MBOAT1: variants seen among roughly 807,000 people sequenced by gnomAD.
MBOAT1 encodes the protein membrane-bound glycerophospholipid O-acyltransferase 1.
In MBOAT1, 67 loss-of-function variants were observed where a neutral mutation model predicts 64.4. The ratio of observed to expected loss-of-function variants is 1.04; its 90% CI spans 0.85 to 1.27. The LOEUF is 1.27. Ranked by LOEUF, MBOAT1 falls within the 50% of genes most tolerant of loss-of-function variation. The probability of loss-of-function intolerance (pLI) is 0.00; values close to 1 mark genes in which losing one functional copy is unlikely to be tolerated. For missense variants in MBOAT1, 563 were observed against 604.6 expected (o/e 0.93, Z 0.72); for synonymous variants, 229 against 218.9 (o/e 1.05, Z -0.41).
intron 1 of MBOAT1, among the ~76,000 whole-genome samples, chr6:20,203,771 T>C (rs1397557223): frequency 1.4e-5 from 2 of 144,448 alleles, no homozygotes; most frequent in Non-Finnish European, 3.0e-5. Context: ...AGGAGCTATA[T>C]AAACAAACAA....
chr6:20,171,187 AT>A (rs1181928517), intron 1 of MBOAT1, among the ~76,000 whole-genome samples: 2 of 152,170 alleles, frequency 1.3e-5, no homozygotes, highest in Non-Finnish European at 2.9e-5. Context: ...TTTTAGAGCT[AT>A]AGGTGACTTC....
In MBOAT1 at chr6:20,189,844, T is replaced by A. The variant is rs543918101; in HGVS notation, c.99+22292A>T. 3.7e-4 allele frequency among the ~76,000 whole-genome samples: 57 copies of A among 152,298 alleles called. 1 individual carries two copies. The highest frequency in any genetic ancestry group is 6.8e-3 in the Middle Eastern group (2 of 294). On this transcript the variant is annotated intron_variant, in intron 1 of 12. Coordinates refer to ENST00000324607, the MANE Select transcript of MBOAT1 (RefSeq NM_001080480.3). Reference sequence around the variant, plus strand: ...ATAATGTCCCCCAGGTTCATCCATGTTGTACTAAAGGGCAGGATTTTCTTC... The same window carrying A: ...ATAATGTCCCCCAGGTTCATCCATGATGTACTAAAGGGCAGGATTTTCTTC...
intron 1 of MBOAT1, among the ~76,000 whole-genome samples, chr6:20,153,051 G>C (rs1234983541): frequency 7.2e-5 from 11 of 152,138 alleles, no homozygotes; most frequent in Non-Finnish European, 4.4e-5. Context: ...AGCAAGGATG[G>C]TCTCGATCTC....
intron 8 of MBOAT1, among the ~76,000 whole-genome samples, chr6:20,122,342 C>T (rs1309973026): frequency 1.3e-5 from 2 of 152,040 alleles, no homozygotes; most frequent in Admixed American, 6.6e-5. Flanking sequence ...TGTATTCATC[C>T]GTTTCTCTTT....
At chr6:20,147,576 T>C (rs1240765443) in intron 3 of MBOAT1, among the ~76,000 whole-genome samples, 2 of 152,018 alleles carry the variant, frequency 1.3e-5, no homozygotes, top group South Asian at 2.1e-4. Flanking sequence ...GAGGCAGAGG[T>C]TGCAGTGAGC....
chr6:20,192,114 C>T (rs1762818067), intron 1 of MBOAT1, among the ~76,000 whole-genome samples: 1 of 152,150 alleles, frequency 6.6e-6, no homozygotes. Flanking sequence ...ACCTTCCATT[C>T]CACTGATAAG....
intron 1 of MBOAT1, among the ~76,000 whole-genome samples, chr6:20,186,086 G>A (rs1045977671): frequency 6.6e-6 from 1 of 152,176 alleles, no homozygotes; most frequent in African/African-American, 2.4e-5. Flanking sequence ...GGGAGGTTGA[G>A]GCTGGATGAT....
intron 1 of MBOAT1, among the ~76,000 whole-genome samples, chr6:20,184,649 A>T (rs930958969): frequency 6.6e-6 from 1 of 152,112 alleles, no homozygotes; most frequent in Admixed American, 6.5e-5. Context: ...TGTCTGTCCC[A>T]GGCTGAGAGC....
chr6:20,106,457 C>G (rs983766746), intron 12 of MBOAT1, among the ~76,000 whole-genome samples: 1 of 151,978 alleles, frequency 6.6e-6, no homozygotes, highest in Non-Finnish European at 1.5e-5. Context: ...GAGTCTCGCT[C>G]TGTCACTCAA....
intron 10 of MBOAT1, 99 bp from the exon 11 acceptor site, chr6:20,113,107 T>C: frequency 1.4e-6 from 2 of 1,421,314 alleles, no homozygotes; most frequent in African/African-American, 1.4e-5. Context: ...AAGCATTTGG[T>C]TGTTACTGAT....
intron 1 of MBOAT1, among the ~76,000 whole-genome samples, chr6:20,178,020 C>T (rs1368272988): frequency 6.6e-6 from 1 of 152,108 alleles, no homozygotes; most frequent in African/African-American, 2.4e-5. Flanking sequence ...TCGCAAGACT[C>T]GTGTCCCACA....
chr6:20,146,105 T>G (rs1257120389), intron 3 of MBOAT1, among the ~76,000 whole-genome samples: 2 of 152,330 alleles, frequency 1.3e-5, no homozygotes, highest in Middle Eastern at 6.8e-3. Flanking sequence ...AATGAATACA[T>G]TACACATTTT....
At chr6:20,131,382 G>C (rs556729929) in intron 4 of MBOAT1, among the ~76,000 whole-genome samples, 183 bp from the exon 5 acceptor site, 9 of 152,300 alleles carry the variant, frequency 5.9e-5, no homozygotes, top group African/African-American at 2.2e-4. Flanking sequence ...TCGTGATAGT[G>C]AGTGAGTTCT....
chr6:20,209,500 G>A (rs959643477), intron 1 of MBOAT1, among the ~76,000 whole-genome samples: 1 of 152,138 alleles, frequency 6.6e-6, no homozygotes, highest in Non-Finnish European at 1.5e-5. Context: ...TGCTTACCAG[G>A]TATTTCCATT....
intron 1 of MBOAT1, among the ~76,000 whole-genome samples, chr6:20,208,388 C>T (rs1415366550): frequency 2.1e-5 from 3 of 143,266 alleles, no homozygotes; most frequent in East Asian, 2.2e-4. Flanking sequence ...GGAGGTTGCA[C>T]TGAGCCGAGA....
At chr6:20,118,628 G>T in intron 8 of MBOAT1, 88 bp from the exon 9 acceptor site, 1 of 1,063,654 alleles carries the variant, frequency 9.4e-7, no homozygotes, top group Non-Finnish European at 1.4e-6. Flanking sequence ...CTAGCTTCAA[G>T]ATGGAGAAAT....
At chr6:20,157,517 G>A (rs1761729623) in intron 1 of MBOAT1, among the ~76,000 whole-genome samples, 1 of 152,118 alleles carries the variant, frequency 6.6e-6, no homozygotes. Flanking sequence ...CATTTGGAAA[G>A]GTAAAATTAC....
intron 2 of MBOAT1, among the ~76,000 whole-genome samples, chr6:20,151,464 T>C (rs1259472741): frequency 6.6e-6 from 1 of 152,224 alleles, no homozygotes; most frequent in Non-Finnish European, 1.5e-5. Flanking sequence ...ACGACACAGT[T>C]TGCCAACTGC....
At position 20,179,722 on chromosome 6, in the gene MBOAT1, T is replaced by C. The variant is rs139049690; in HGVS notation, c.100-26953A>G. ...AACGGTATTTTTGCTCCTAGGTCTT[T>C]GAGGAATCACCACACTATCTTCCAC... On this transcript the variant is annotated intron_variant, in intron 1 of 12. Transcript: ENST00000324607. Among the ~76,000 whole-genome samples, 227 of 152,324 alleles carry C rather than the reference T, an allele frequency of 1.5e-3. 2 individuals are homozygous for C. The highest frequency in any genetic ancestry group is 1.5e-3 in the Non-Finnish European group (105 of 68,020).
Sources: gnomAD v4.1 joint callset for allele counts (sites outside exome capture counted in the v4.1 genomes callset) on GRCh38, gnomAD v4.1.1 for gene constraint, MANE v1.5 for transcripts, NCBI Gene and HGNC (gene_info 2026-07-23, HGNC 2026-07-21) for gene names.